The following PGM2L1 variants were observed in gnomAD, a reference collection of about 807,000 sequenced individuals.
PGM2L1 encodes the protein phosphoglucomutase 2 like 1.
A neutral mutation model predicts 73.4 loss-of-function variants in PGM2L1; 35 were observed. The observed-to-expected ratio is 0.48, with a 90% CI of 0.36 to 0.63. The LOEUF (loss-of-function observed/expected upper bound fraction) is 0.63, where lower values mean the gene tolerates loss of function less well. Ranked by LOEUF, PGM2L1 falls within the 30% of genes least tolerant of loss-of-function variation. PGM2L1 has a pLI of 0.00. For synonymous variants in PGM2L1, 225 were observed against 253.8 expected (o/e 0.89, Z 1.08); for missense variants, 570 against 742.0 (o/e 0.77, Z 2.69).
In PGM2L1 at chr11:74,395,066, TA is replaced by T. The variant is rs577598921; in HGVS notation, c.111+2984del. Among the ~76,000 whole-genome samples, 292 of 152,312 alleles carry T rather than the reference TA, an allele frequency of 1.9e-3. 1 individual carries two copies. The highest frequency in any genetic ancestry group is 3.4e-3 in the Middle Eastern group (1 of 294). ...GCCCTGAGACAGTCTAGCTTACCTATAGTATCAATCTACAGTAGATACAATT... is the reference window on the plus strand; with the variant it reads ...GCCCTGAGACAGTCTAGCTTACCTATGTATCAATCTACAGTAGATACAATT... On this transcript the variant is annotated intron_variant, in intron 1 of 13. Transcript: ENST00000298198.
At chr11:74,374,382 A>G (rs779177041) in intron 2 of PGM2L1, 33 bp downstream of exon 2, 7 of 1,504,634 alleles carry the variant, frequency 4.7e-6, no homozygotes, top group Admixed American at 1.9e-5. Flanking sequence ...ATGTCCAGTC[A>G]AAAGTACACT....
chr11:74,372,943 C>T lies in PGM2L1; in HGVS notation c.280-1126G>A, dbSNP rs371373726. 2.6e-5 allele frequency among the ~76,000 whole-genome samples: 4 copies of T among 152,158 alleles called. No homozygotes were observed. In the East Asian group the frequency reaches 7.7e-4, roughly 29 times the overall value. On this transcript the variant is annotated intron_variant, in intron 2 of 13. Transcript: ENST00000298198. The stretch of plus-strand genomic sequence containing the variant: ...ACTATCCTAAAACCTCATAGACCCT[C>T]ATATTAATCTCTGCTATCAGAATGC...
chr11:74,391,104 T>C (rs1183970463), intron 1 of PGM2L1, among the ~76,000 whole-genome samples: 1 of 152,178 alleles, frequency 6.6e-6, no homozygotes, highest in Non-Finnish European at 1.5e-5. Context: ...AGACCATAAC[T>C]TAACTTACTC....
At chr11:74,354,339 T>A in intron 5 of PGM2L1, 1 of 528,406 alleles carries the variant, frequency 1.9e-6, no homozygotes, top group Non-Finnish European at 3.3e-6. Flanking sequence ...TGTTAAAAAA[T>A]GTGTGAAAAA....
intron 1 of PGM2L1, among the ~76,000 whole-genome samples, chr11:74,378,392 A>G (rs1472187833): frequency 6.6e-6 from 1 of 152,218 alleles, no homozygotes; most frequent in Admixed American, 6.5e-5. Flanking sequence ...AATGCATTCA[A>G]TCTGAAATAA....
chr11:74,394,611 T>A (rs765680095), intron 1 of PGM2L1, among the ~76,000 whole-genome samples: 7 of 152,182 alleles, frequency 4.6e-5, no homozygotes, highest in Non-Finnish European at 8.8e-5. Context: ...TACACATCCT[T>A]CCAAAATTTT....
intron 5 of PGM2L1, among the ~76,000 whole-genome samples, chr11:74,364,342 A>G (rs1228191555): frequency 2.6e-5 from 4 of 152,220 alleles, no homozygotes; most frequent in Non-Finnish European, 4.4e-5. Context: ...CCTATTCAAC[A>G]TAGTGTTGGA....
chr11:74,342,640 G>A lies in PGM2L1; in HGVS notation c.1453C>T (p.His485Tyr). The A allele has an allele frequency of 6.3e-7, 1 of 1,576,648 alleles. No homozygotes were observed. Among genetic ancestry groups the A allele is most frequent in the Non-Finnish European group, 8.6e-7 (1 of 1,160,638 alleles). The change falls in exon 12 of 14, where the codon CAT becomes TAT. Residue 485 changes from histidine (H) to tyrosine (Y), a missense_variant. Coordinates refer to ENST00000298198, the MANE Select transcript of PGM2L1 (RefSeq NM_173582.6). The part of the protein sequence containing the change: ...LVKVYEKYGY[H>Y]ISKTSYFLCY... ...AAGAAATAGGAAGTTTTTGAAATAT[G>A]ATAACCATATCTGTGCAAAGATTCA...
chr11:74,374,052 C>CAAAAAAA (rs60395088), intron 2 of PGM2L1, among the ~76,000 whole-genome samples: 4 of 85,624 alleles, frequency 4.7e-5, no homozygotes, highest in Non-Finnish European at 6.5e-5. Flanking sequence ...TTTATAAAGC[C>CAAAAAAA]AAAAAAAAAA....
intron 13 of PGM2L1, 108 bp from the exon 14 acceptor site, chr11:74,336,862 G>A: frequency 9.2e-6 from 6 of 649,474 alleles, no homozygotes; most frequent in South Asian, 2.8e-5. Flanking sequence ...TAAACAATTG[G>A]TAAACAAAAG....
At chr11:74,373,790 G>T (rs1318971720) in intron 2 of PGM2L1, among the ~76,000 whole-genome samples, 1 of 152,118 alleles carries the variant, frequency 6.6e-6, no homozygotes, top group Non-Finnish European at 1.5e-5. Context: ...TTGTTTCTTT[G>T]TATTAATTGG....
chr11:74,396,021 G>A (rs912801478), intron 1 of PGM2L1, among the ~76,000 whole-genome samples: 14 of 152,082 alleles, frequency 9.2e-5, no homozygotes, highest in Non-Finnish European at 2.1e-4. Flanking sequence ...GGAGGCTGAG[G>A]TGGGAGAATC....
intron 1 of PGM2L1, among the ~76,000 whole-genome samples, chr11:74,393,232 A>T (rs1383251353): frequency 1.3e-5 from 2 of 152,230 alleles, no homozygotes; most frequent in Non-Finnish European, 2.9e-5. Context: ...TAAATGCCAA[A>T]TTCAGTATTA....
At position 74,368,452 on chromosome 11, in the gene PGM2L1, G is replaced by A. The variant is rs757974640; in HGVS notation, c.555+40C>T. Reference sequence around the variant, plus strand: ...CACATATTATTTGAATAAAAAAGATGAACTATAAGATAAGCAAAGGTCAGG... The same window carrying A: ...CACATATTATTTGAATAAAAAAGATAAACTATAAGATAAGCAAAGGTCAGG... On this transcript the variant is annotated intron_variant, in intron 5 of 13. Transcript: ENST00000298198. The A allele has an allele frequency of 1.7e-5, 26 of 1,493,310 alleles. No homozygotes were observed. The South Asian group carries it at 2.6e-4, about 15-fold the overall frequency. 92.5% of individuals were successfully genotyped at this position (1,493,310 alleles called of 1,614,324 possible).
intron 8 of PGM2L1, 66 bp downstream of exon 8, chr11:74,346,666 T>C: frequency 1.6e-6 from 2 of 1,246,498 alleles, no homozygotes; most frequent in South Asian, 1.3e-5. Flanking sequence ...TCAATGAGCC[T>C]GTAAGACTTA....
rs1480866129 is a variant in PGM2L1 at position 74,332,236 on chromosome 11, GCCC to G, written c.*4413_*4415del. The G allele has an allele frequency of 1.3e-5, 2 of 152,134 alleles. No homozygotes were observed. The highest frequency in any genetic ancestry group is 4.8e-5 in the African/African-American group (2 of 41,420). 9.4% of individuals were successfully genotyped at this position (152,134 alleles called of 1,614,324 possible). Reference sequence around the variant, plus strand: ...CCTGAAATAGAATGTTATGTCAATTGCCCATTCATTTTGGTTAGTACGACTCTT... The same window carrying G: ...CCTGAAATAGAATGTTATGTCAATTGATTCATTTTGGTTAGTACGACTCTT... On this transcript the variant is annotated 3_prime_UTR_variant, in exon 14 of 14. Coordinates refer to ENST00000298198, the MANE Select transcript of PGM2L1 (RefSeq NM_173582.6).
intron 1 of PGM2L1, among the ~76,000 whole-genome samples, chr11:74,378,310 A>G (rs535415847): frequency 1.4e-4 from 22 of 152,322 alleles, no homozygotes; most frequent in Admixed American, 2.0e-4. Flanking sequence ...TCAATTAAAA[A>G]AAAAAGAAAA....
chr11:74,343,865 G>A (rs1234514194), intron 9 of PGM2L1, among the ~76,000 whole-genome samples: 4 of 131,162 alleles, frequency 3.0e-5, no homozygotes, highest in South Asian at 2.4e-4. Context: ...TGCAACCTCC[G>A]TCTCCCAGGT....
In PGM2L1 at chr11:74,332,378, A is replaced by AATTACTTCCTACAATAAGTCTTAAAT. The variant is rs1328560004; in HGVS notation, c.*4248_*4273dup. On this transcript the variant is annotated 3_prime_UTR_variant, in exon 14 of 14. Coordinates refer to ENST00000298198, the MANE Select transcript of PGM2L1 (RefSeq NM_173582.6). ...AAAACAGGTTATGAAATAGATTTAA[A>AATTACTTCCTACAATAAGTCTTAAAT]ATTACTTCCTACAATAAGTCTTAAA... 1 of 152,300 alleles carries AATTACTTCCTACAATAAGTCTTAAAT rather than the reference A, an allele frequency of 6.6e-6. No homozygotes were observed. Among genetic ancestry groups the AATTACTTCCTACAATAAGTCTTAAAT allele is most frequent in the Non-Finnish European group, 1.5e-5 (1 of 68,036 alleles). The allele number at this position is 152,300 out of a possible 1,614,324, so 9.4% of individuals were successfully genotyped here.
Sources: allele counts gnomAD v4.1 joint callset (sites outside exome capture counted in the v4.1 genomes callset), GRCh38; gene constraint gnomAD v4.1.1; transcripts MANE v1.5; gene names NCBI Gene and HGNC (gene_info 2026-07-23, HGNC 2026-07-21).